Variants in PRKCE observed in about 807,000 individuals in gnomAD.
PRKCE encodes the protein protein kinase C epsilon type.
A neutral mutation model predicts 85.4 loss-of-function variants in PRKCE; 16 were observed. The ratio of observed to expected loss-of-function variants is 0.19; its 90% CI spans 0.13 to 0.28. PRKCE has a LOEUF of 0.28. PRKCE is among the 10% of genes least tolerant of loss of function. The pLI, the probability that PRKCE is intolerant of heterozygous loss-of-function variation, is 1.00. For missense variants in PRKCE, 573 were observed against 975.2 expected, an observed-to-expected ratio of 0.59 and a Z score of 5.49; for synonymous variants, 388 against 371.5, an observed-to-expected ratio of 1.04 and a Z score of -0.51.
intron 6 of PRKCE, among the ~76,000 whole-genome samples, chr2:45,994,845 T>C (rs1704092308): frequency 6.6e-6 from 1 of 152,202 alleles, no homozygotes. Context: ...ATATTTAGTT[T>C]TGTAAGAAAC....
At chr2:46,016,675 G>A (rs188670863) in intron 10 of PRKCE, among the ~76,000 whole-genome samples, 2 of 152,182 alleles carry the variant, frequency 1.3e-5, no homozygotes, top group Admixed American at 1.3e-4. Context: ...TTGGGAGGCC[G>A]AGGCAGGTGG....
At chr2:45,854,890 A>G (rs985624124) in intron 2 of PRKCE, among the ~76,000 whole-genome samples, 2 of 152,184 alleles carry the variant, frequency 1.3e-5, no homozygotes, top group African/African-American at 2.4e-5. Flanking sequence ...AAGGGTTACA[A>G]GGAGTTATAG....
At chr2:45,690,807 AC>A (rs1677667722) in intron 1 of PRKCE, among the ~76,000 whole-genome samples, 1 of 152,206 alleles carries the variant, frequency 6.6e-6, no homozygotes, top group South Asian at 2.1e-4. Flanking sequence ...GGACTGGGGC[AC>A]CAGTGGAAAG....
At chr2:45,953,187 C>T (rs1700740479) in intron 2 of PRKCE, among the ~76,000 whole-genome samples, 2 of 152,134 alleles carry the variant, frequency 1.3e-5, no homozygotes, top group African/African-American at 2.4e-5. Context: ...CTGTAATGCC[C>T]CAGTACTTTT....
At chr2:45,978,621 C>T (rs1702642868) in intron 3 of PRKCE, 3 of 210,816 alleles carry the variant, frequency 1.4e-5, no homozygotes, top group South Asian at 9.8e-5. Flanking sequence ...GAGGAATGTC[C>T]ATTCTATCCA....
At chr2:45,957,836 C>A (rs996789604) in intron 2 of PRKCE, among the ~76,000 whole-genome samples, 4 of 151,940 alleles carry the variant, frequency 2.6e-5, no homozygotes, top group South Asian at 4.2e-4. Flanking sequence ...AGTCTGAGTC[C>A]AGAGGTTCAA....
intron 10 of PRKCE, among the ~76,000 whole-genome samples, chr2:46,062,195 C>A (rs145176871): frequency 1.3e-5 from 2 of 152,152 alleles, no homozygotes; most frequent in Non-Finnish European, 1.5e-5. Context: ...TGCCCTCCTG[C>A]TGGATATAAA....
In PRKCE at chr2:46,159,800, A is replaced by G. The variant is rs372044206; in HGVS notation, c.2067+48A>G. 6.9e-6 allele frequency: 11 copies of G among 1,591,340 alleles called. No individual in the cohort carries two copies. In the African/African-American group the frequency reaches 1.5e-4, roughly 21 times the overall value. On this transcript the variant is annotated intron_variant, in intron 14 of 14. Transcript: ENST00000306156. The surrounding 1 kb of genome is among the most constrained non-coding windows in gnomAD (Gnocchi z 4.1). ...TCAGCACCATGGGTCGGGCCCAGGTACTTGCAGGACAGGCTGCGTGCACCC... is the reference window on the plus strand; with the variant it reads ...TCAGCACCATGGGTCGGGCCCAGGTGCTTGCAGGACAGGCTGCGTGCACCC...
chr2:45,719,230 C>G (rs1444736110), intron 1 of PRKCE, among the ~76,000 whole-genome samples: 2 of 152,246 alleles, frequency 1.3e-5, no homozygotes, highest in African/African-American at 4.8e-5. Flanking sequence ...CCAGCCCTAC[C>G]CCAGCCTCCG....
intron 11 of PRKCE, among the ~76,000 whole-genome samples, chr2:46,125,547 A>G (rs368922054): frequency 4.5e-4 from 69 of 152,332 alleles, no homozygotes; most frequent in African/African-American, 1.3e-3. Flanking sequence ...TTTCCTAGAT[A>G]TGGTTAACCA....
chr2:45,812,642 C>T (rs918986146), intron 1 of PRKCE, among the ~76,000 whole-genome samples: 1 of 152,202 alleles, frequency 6.6e-6, no homozygotes, highest in Non-Finnish European at 1.5e-5. Context: ...CTTATTACGC[C>T]CGTGCCTGGC....
chr2:45,888,465 CT>C (rs34871432), intron 2 of PRKCE, among the ~76,000 whole-genome samples: 3,805 of 74,690 alleles, frequency 0.051, 26 homozygotes, highest in African/African-American at 0.081. Context: ...TCCCAACAGT[CT>C]TTTTTTTTTT....
At chr2:45,938,535 C>T (rs1381627409) in intron 2 of PRKCE, among the ~76,000 whole-genome samples, 1 of 152,114 alleles carries the variant, frequency 6.6e-6, no homozygotes, top group Admixed American at 6.6e-5. Context: ...AACATTTCAG[C>T]GCCCACCCCT....
At chr2:45,992,480 C>T (rs969396629) in intron 6 of PRKCE, among the ~76,000 whole-genome samples, 42 of 152,204 alleles carry the variant, frequency 2.8e-4, no homozygotes, top group Admixed American at 2.6e-3. Flanking sequence ...ACTTTGCGGT[C>T]GTTCACTCTC....
chr2:45,681,000 G>A (rs1180679404), intron 1 of PRKCE, among the ~76,000 whole-genome samples: 1 of 152,114 alleles, frequency 6.6e-6, no homozygotes, highest in Admixed American at 6.6e-5. Flanking sequence ...TAAAGACATA[G>A]CATTTTTGGG....
chr2:45,981,123 G>A (rs1702857436), intron 5 of PRKCE, among the ~76,000 whole-genome samples: 1 of 152,156 alleles, frequency 6.6e-6, no homozygotes, highest in Admixed American at 6.5e-5. Context: ...AAGGAAGCAG[G>A]AAAATGCAAC....
chr2:46,116,510 A>G (rs1426336307), intron 11 of PRKCE, among the ~76,000 whole-genome samples: 1 of 152,224 alleles, frequency 6.6e-6, no homozygotes, highest in Non-Finnish European at 1.5e-5. Context: ...ACTTTGAATC[A>G]ATGAGGAAAT....
intron 13 of PRKCE, among the ~76,000 whole-genome samples, chr2:46,153,852 T>G (rs890919185): frequency 7.0e-6 from 1 of 142,576 alleles, no homozygotes; most frequent in Non-Finnish European, 1.5e-5. Flanking sequence ...AGCGGCACGA[T>G]CTCTGCTCAC....
intron 6 of PRKCE, among the ~76,000 whole-genome samples, chr2:45,992,394 TG>T (rs1327300039): frequency 6.6e-6 from 1 of 152,192 alleles, no homozygotes; most frequent in Non-Finnish European, 1.5e-5. Flanking sequence ...AATCTCTTTC[TG>T]GTGATGACAT....
Sources: gnomAD v4.1 joint callset for allele counts (sites outside exome capture counted in the v4.1 genomes callset) on GRCh38, gnomAD v4.1.1 for gene constraint, Gnocchi (gnomAD v3.1) non-coding constraint, MANE v1.5 for transcripts, NCBI Gene and HGNC (gene_info 2026-07-23, HGNC 2026-07-21) for gene names.